Variants in COL28A1 observed in about 807,000 individuals in gnomAD.
COL28A1 encodes the protein collagen alpha-1(XXVIII) chain.
COL28A1 carries 161 observed loss-of-function variants against 150.2 expected under a neutral mutation model. The observed-to-expected ratio is 1.07, with a 90% CI of 0.94 to 1.22. The LOEUF (loss-of-function observed/expected upper bound fraction) is 1.22, where lower values mean the gene tolerates loss of function less well. COL28A1 is among the 50% of genes most tolerant of loss of function. The pLI, the probability that COL28A1 is intolerant of heterozygous loss-of-function variation, is 0.00. For synonymous variants in COL28A1, 552 were observed against 469.7 expected (o/e 1.18, Z -2.26); for missense variants, 1,617 against 1,388.3 (o/e 1.16, Z -2.62).
At chr7:7,359,348 G>C (rs73676838) in intron 34 of COL28A1, among the ~76,000 whole-genome samples, 4,482 of 150,744 alleles carry the variant, frequency 0.03, 252 homozygotes, top group African/African-American at 0.1. Context: ...AGTTTTAAAA[G>C]AGCAGCTCTT....
chr7:7,490,774 G>T, intron 11 of COL28A1, 128 bp from the exon 12 acceptor site: 2 of 475,566 alleles, frequency 4.2e-6, no homozygotes, highest in Non-Finnish European at 3.7e-6. Flanking sequence ...CATCGTGCCT[G>T]CCCTCAATTG....
chr7:7,453,021 T>G (rs983395746), intron 17 of COL28A1, among the ~76,000 whole-genome samples: 4 of 152,264 alleles, frequency 2.6e-5, no homozygotes, highest in Non-Finnish European at 5.9e-5. Flanking sequence ...GATTCCCAAG[T>G]AAATAAAACA....
At chr7:7,473,280 A>C (rs1244329363) in intron 15 of COL28A1, among the ~76,000 whole-genome samples, 1 of 152,230 alleles carries the variant, frequency 6.6e-6, no homozygotes, top group Non-Finnish European at 1.5e-5. Flanking sequence ...AAATCTTCAC[A>C]ATCTATACAC....
chr7:7,533,694 C>T (rs1782491821), intron 1 of COL28A1, among the ~76,000 whole-genome samples: 1 of 152,076 alleles, frequency 6.6e-6, no homozygotes, highest in Non-Finnish European at 1.5e-5. Context: ...GGATTAACAA[C>T]GAAAAATCTA....
chr7:7,458,930 G>C (rs1350845362), intron 15 of COL28A1, among the ~76,000 whole-genome samples: 1 of 152,176 alleles, frequency 6.6e-6, no homozygotes, highest in Non-Finnish European at 1.5e-5. Context: ...TGTGCCATAA[G>C]TACAACTTTG....
the COL28A1 span, among the ~76,000 whole-genome samples, chr7:7,349,301 A>G: frequency 1.3e-5 from 2 of 152,112 alleles, no homozygotes; most frequent in African/African-American, 4.8e-5. Context: ...AGTCTATCCA[A>G]TACTTCATGA....
At chr7:7,503,542 T>A (rs1780648352) in intron 11 of COL28A1, among the ~76,000 whole-genome samples, 1 of 152,190 alleles carries the variant, frequency 6.6e-6, no homozygotes, top group Non-Finnish European at 1.5e-5. Flanking sequence ...TAAAAATAAA[T>A]GTCACTATAA....
At chr7:7,481,991 A>T (rs748614550) in intron 13 of COL28A1, among the ~76,000 whole-genome samples, 8 of 152,218 alleles carry the variant, frequency 5.3e-5, no homozygotes, top group Non-Finnish European at 1.0e-4. Context: ...CTACCAGACC[A>T]GCACAAAACT....
intron 15 of COL28A1, among the ~76,000 whole-genome samples, chr7:7,471,832 T>C (rs553477596): frequency 2.0e-4 from 31 of 152,072 alleles, no homozygotes; most frequent in African/African-American, 7.2e-4. Context: ...GAGGTGGAGG[T>C]TGCAGTGAAC....
intron 33 of COL28A1, among the ~76,000 whole-genome samples, chr7:7,367,234 A>G (rs1780983745): frequency 6.6e-6 from 1 of 152,232 alleles, no homozygotes; most frequent in Non-Finnish European, 1.5e-5. Context: ...TACTATCTAG[A>G]TTTGTGTGAG....
chr7:7,395,975 G>A (rs895662193), intron 27 of COL28A1, among the ~76,000 whole-genome samples: 5 of 152,206 alleles, frequency 3.3e-5, no homozygotes, highest in South Asian at 2.1e-4. Flanking sequence ...CAGTTAACAA[G>A]ACGCAGTGAC....
At chr7:7,452,422 GA>G (rs1365283643) in intron 17 of COL28A1, 35 bp from the exon 18 acceptor site, 1 of 1,571,276 alleles carries the variant, frequency 6.4e-7, no homozygotes, top group Non-Finnish European at 8.6e-7. Context: ...GCAGCAAAGT[GA>G]AAATAATATA....
chr7:7,363,367 A>C lies in COL28A1; in HGVS notation c.3067-2839T>G, dbSNP rs1353561619. ...ATCACATAATCATTTGGAAATTTTG[A>C]TATCTGTTAACATTACTCCACAGAT... On this transcript the variant is annotated intron_variant, in intron 33 of 34. Transcript: ENST00000399429. 3.3e-5 allele frequency among the ~76,000 whole-genome samples: 5 copies of C among 152,312 alleles called. No individual in the cohort carries two copies. In the East Asian group the frequency reaches 9.6e-4, roughly 29 times the overall value.
rs574448512 is a variant in COL28A1, at chr7:7,369,846, G to A, written c.3066+879C>T. On this transcript the variant is annotated intron_variant, in intron 33 of 34. Transcript: ENST00000399429. ...ATGATCACTCTTTCATGTACATGAA[G>A]GCTTCAGAAAAGGGCAATGCAAGGA... is the stretch of plus-strand genomic sequence containing the variant. Among the ~76,000 whole-genome samples the A allele has an allele frequency of 1.8e-4, 27 of 152,238 alleles. 1 individual carries two copies. The highest frequency in any genetic ancestry group is 6.8e-3 in the Middle Eastern group (2 of 292).
chr7:7,441,898 A>C lies in COL28A1; in HGVS notation c.1651-1037T>G, dbSNP rs12669055. Among the ~76,000 whole-genome samples the C allele has an allele frequency of 1.2e-3, 178 of 152,330 alleles. 6 individuals are homozygous for C. The East Asian group carries it at 0.028, about 24-fold the overall frequency. ...AAAGCAGTGGCACCGGTGTAAAAAA[A>C]AAGAGTTGAATGTCCAAATATCTTA... is the stretch of plus-strand genomic sequence containing the variant. On this transcript the variant is annotated intron_variant, in intron 20 of 34. Transcript: ENST00000399429.
At chr7:7,348,065 A>C in the COL28A1 span, among the ~76,000 whole-genome samples, 1 of 152,108 alleles carries the variant, frequency 6.6e-6, no homozygotes, top group Non-Finnish European at 1.5e-5. Context: ...ATAGAGGAGG[A>C]AATAGATTTG....
At chr7:7,351,654 A>G (rs1780232455), downstream of COL28A1, among the ~76,000 whole-genome samples, 1 of 152,128 alleles carries the variant, frequency 6.6e-6, no homozygotes, top group African/African-American at 2.4e-5. Flanking sequence ...TAAATGAAAG[A>G]TTTTTTCAAA....
the COL28A1 span, among the ~76,000 whole-genome samples, chr7:7,542,118 G>A: frequency 7.9e-5 from 12 of 152,236 alleles, no homozygotes; most frequent in South Asian, 6.2e-4. Flanking sequence ...GGGAGGCCGA[G>A]GCGGGCAGAT....
chr7:7,375,923 G>C (rs1248218170), intron 30 of COL28A1, among the ~76,000 whole-genome samples: 3 of 152,158 alleles, frequency 2.0e-5, no homozygotes, highest in Non-Finnish European at 4.4e-5. Context: ...GAGCAACCAA[G>C]ACAAGCCGCA....
Sources: allele counts gnomAD v4.1 joint callset (sites outside exome capture counted in the v4.1 genomes callset), GRCh38; gene constraint gnomAD v4.1.1; transcripts MANE v1.5; gene names NCBI Gene and HGNC (gene_info 2026-07-23, HGNC 2026-07-21).